The following TRPM6 variants were observed in gnomAD, a reference collection of about 807,000 sequenced individuals.
TRPM6 encodes channel kinase 2.
TRPM6 carries 111 observed loss-of-function variants against 247.6 expected under a neutral mutation model. The observed-to-expected ratio is 0.45, with a 90% CI of 0.38 to 0.52. The LOEUF is 0.52. Ranked by LOEUF, TRPM6 falls within the 20% of genes least tolerant of loss-of-function variation. The pLI, the probability that TRPM6 is intolerant of heterozygous loss-of-function variation, is 0.00. For synonymous variants in TRPM6, 892 were observed against 853.8 expected (o/e 1.04, Z -0.78); for missense variants, 2,126 against 2,421.5 (o/e 0.88, Z 2.56).
intron 2 of TRPM6, among the ~76,000 whole-genome samples, chr9:74,857,475 G>T (rs939515738): frequency 2.0e-5 from 3 of 152,082 alleles, no homozygotes; most frequent in Non-Finnish European, 4.4e-5. Context: ...ATTTTTCCAA[G>T]GGCAATGTCA....
chr9:74,743,733 C>T (rs549381101), intron 32 of TRPM6, among the ~76,000 whole-genome samples: 1 of 152,282 alleles, frequency 6.6e-6, no homozygotes, highest in South Asian at 2.1e-4. Flanking sequence ...CAAAACCCTC[C>T]CTCAAGGAAC....
chr9:74,881,870 A>G (rs993217905), intron 1 of TRPM6, among the ~76,000 whole-genome samples: 4 of 152,240 alleles, frequency 2.6e-5, no homozygotes, highest in Admixed American at 6.5e-5. Flanking sequence ...ACCATTGAAC[A>G]AAATAGAGAA....
At chr9:74,780,010 A>G (rs1258246276) in intron 23 of TRPM6, among the ~76,000 whole-genome samples, 2 of 152,024 alleles carry the variant, frequency 1.3e-5, no homozygotes, top group Non-Finnish European at 2.9e-5. Flanking sequence ...TGTCTCTACT[A>G]AAAATACAAA....
At position 74,840,140 on chromosome 9, in the gene TRPM6, T is replaced by A; in HGVS notation, c.428A>T (p.His143Leu). The A allele has an allele frequency of 1.2e-6, 2 of 1,613,934 alleles. No homozygotes were observed. Among genetic ancestry groups the A allele is most frequent in the Middle Eastern group, 1.6e-4 (1 of 6,062 alleles). The change falls in exon 5 of 39, where the codon CAT (histidine) becomes CTT (leucine). Residue 143 changes from histidine to leucine, a missense_variant. Around this residue, in one of 3 missense-constraint regions of TRPM6, gnomAD observed 1,082 missense variants for 1,307.9 expected, o/e 0.83. Transcript: ENST00000360774. The part of the protein sequence containing the change: ...MELPKLVISV[H>L]GGIQNFTMPS... ...CATAGTAAAGTTCTGGATGCCCCCATGGACTGAGATCACAAGCTTGGGCAG... is the reference window on the plus strand; with the variant it reads ...CATAGTAAAGTTCTGGATGCCCCCAAGGACTGAGATCACAAGCTTGGGCAG...
chr9:74,818,760 G>C lies in TRPM6; in HGVS notation c.1134+1544C>G, dbSNP rs536615557. 3.2e-4 allele frequency among the ~76,000 whole-genome samples: 49 copies of C among 152,254 alleles called. 1 individual carries two copies. Among genetic ancestry groups the C allele is most frequent in the African/African-American group, 1.2e-3 (48 of 41,538 alleles). On this transcript the variant is annotated intron_variant, in intron 9 of 38. Coordinates refer to ENST00000360774, the MANE Select transcript of TRPM6 (RefSeq NM_017662.5). ...ACATTTAGAAGCATGCTGCTAATTA[G>C]AAACATGGTTGCTATTATTGTTGTT... is the stretch of plus-strand genomic sequence containing the variant.
chr9:74,763,436 T>C (rs1043069866), intron 25 of TRPM6, among the ~76,000 whole-genome samples: 1 of 152,200 alleles, frequency 6.6e-6, no homozygotes, highest in Non-Finnish European at 1.5e-5. Flanking sequence ...ATTCCTTCAA[T>C]TGTGTGATCA....
rs759353246 is a variant in TRPM6 at position 74,762,938 on chromosome 9, T to C, written c.3733A>G (p.Thr1245Ala). Residue 1245 changes from threonine to alanine, a missense_variant, in exon 26 of 39, where the codon ACT (threonine) becomes GCT (alanine). Physicochemically the swap from Thr to Ala is moderately conservative, Grantham distance 58 (BLOSUM62 0). Coordinates refer to ENST00000360774, the MANE Select transcript of TRPM6 (RefSeq NM_017662.5). ...CAGCTGTGGGGAAGTTTTTTGCAAG[T>C]AGAATGCTTTCTCTTGGCCAGGAGA... ...EALLAKRKHS[T>A]CKKLPHSWSN... 3.7e-6 allele frequency: 6 copies of C among 1,606,652 alleles called. No homozygotes were observed. Among genetic ancestry groups the C allele is most frequent in the South Asian group, 2.2e-5 (2 of 90,582 alleles).
chr9:74,834,443 A>G (rs1829649402), intron 5 of TRPM6, among the ~76,000 whole-genome samples: 1 of 150,672 alleles, frequency 6.6e-6, no homozygotes, highest in Admixed American at 6.6e-5. Context: ...GCCCAGCCCT[A>G]ACATTATGAA....
chr9:74,747,497 T>A (rs1352591069), intron 31 of TRPM6, among the ~76,000 whole-genome samples: 1 of 152,190 alleles, frequency 6.6e-6, no homozygotes, highest in Non-Finnish European at 1.5e-5. Context: ...ATTTAGCCAT[T>A]TGGGGCCCCA....
intron 3 of TRPM6, among the ~76,000 whole-genome samples, chr9:74,847,685 A>G (rs746267390): frequency 1.3e-5 from 2 of 151,954 alleles, no homozygotes; most frequent in African/African-American, 4.8e-5. Context: ...ATATAGTCAA[A>G]GTCATATATA....
chr9:74,831,733 T>C (rs1409223955), intron 6 of TRPM6, among the ~76,000 whole-genome samples: 3 of 152,212 alleles, frequency 2.0e-5, no homozygotes, highest in Non-Finnish European at 4.4e-5. Context: ...GATTGAAATA[T>C]GACAAAGATG....
At chr9:74,734,501 C>A (rs1269266790) in intron 36 of TRPM6, among the ~76,000 whole-genome samples, 1 of 152,064 alleles carries the variant, frequency 6.6e-6, no homozygotes, top group African/African-American at 2.4e-5. Flanking sequence ...ACCTGGATAC[C>A]TCCCTTAATC....
chr9:74,867,009 T>C (rs765420064), intron 1 of TRPM6, among the ~76,000 whole-genome samples: 1 of 152,230 alleles, frequency 6.6e-6, no homozygotes, highest in African/African-American at 2.4e-5. Flanking sequence ...AAAAAGTTCA[T>C]AAACAGAGCA....
chr9:74,835,054 C>A lies in TRPM6; in HGVS notation c.545-932G>T, dbSNP rs191603602. On this transcript the variant is annotated intron_variant, in intron 5 of 38. Coordinates refer to ENST00000360774, the MANE Select transcript of TRPM6 (RefSeq NM_017662.5). ...TTGAACTAGTTTACACTCCCACCAA[C>A]AGTGTAAAAGTGTTCCTATTTCTCC... is the stretch of plus-strand genomic sequence containing the variant. Among the ~76,000 whole-genome samples the A allele has an allele frequency of 8.7e-3, 1,318 of 152,294 alleles. 64 individuals carry two copies. The highest frequency in any genetic ancestry group is 0.077 in the Admixed American group (1,174 of 15,278).
At position 74,728,337 on chromosome 9, in the gene TRPM6, C is replaced by A; in HGVS notation, c.5837G>T (p.Gly1946Val). 6.2e-7 allele frequency: 1 copy of A among 1,609,298 alleles called. No individual in the cohort carries two copies. The highest frequency in any genetic ancestry group is 1.7e-5 in the Admixed American group (1 of 60,002). The change falls in exon 38 of 39, where the codon GGA becomes GTA. Residue 1946 changes from glycine to valine, a missense_variant. By Grantham distance (109) the Gly-to-Val change is moderately radical. Transcript: ENST00000360774. ...CAAATTGGCCGGTCCAAACACCATTCCTCTTGATCTAGAGGAAATATCAGA... is the reference window on the plus strand; with the variant it reads ...CAAATTGGCCGGTCCAAACACCATTACTCTTGATCTAGAGGAAATATCAGA... ...VIKPEVKQSR[G>V]MVFGPANLGE... is the part of the protein sequence containing the mutation.
intron 17 of TRPM6, 116 bp from the exon 18 acceptor site, chr9:74,797,009 T>A: frequency 1.1e-6 from 1 of 885,360 alleles, no homozygotes; most frequent in Non-Finnish European, 1.8e-6. Flanking sequence ...CCCAGTCAAT[T>A]TTCATCGCAT....
chr9:74,858,770 T>G lies in TRPM6; in HGVS notation c.34-22A>C, dbSNP rs1332175101. 4.5e-6 allele frequency: 7 copies of G among 1,558,854 alleles called. No individual in the cohort carries two copies. In the Admixed American group the frequency reaches 1.2e-4, roughly 26 times the overall value. On this transcript the variant is annotated intron_variant, in intron 1 of 38. Transcript: ENST00000360774. ...GGGACTAAAAAGAAAGTGTCATTAT[T>G]TTATACTCTAATTATGTGACAAAAC...
intron 29 of TRPM6, 93 bp from the exon 30 acceptor site, chr9:74,750,815 T>C (rs1178328382): frequency 1.7e-6 from 2 of 1,152,616 alleles, no homozygotes; most frequent in East Asian, 2.3e-5. Context: ...CCTTGGAGAA[T>C]CCTTCTTTTT....
chr9:74,737,356 G>A (rs184340244), intron 36 of TRPM6: 84 of 1,287,016 alleles, frequency 6.5e-5, no homozygotes, highest in Middle Eastern at 6.4e-4. Context: ...CAGTCTTACC[G>A]GACATTGCTC....
Sources: allele counts gnomAD v4.1 joint callset (sites outside exome capture counted in the v4.1 genomes callset), GRCh38; gene constraint gnomAD v4.1.1; regional missense constraint gnomAD v4.1.1; transcripts MANE v1.5; gene names NCBI Gene and HGNC (gene_info 2026-07-23, HGNC 2026-07-21).